Variants in SRPK2 observed in about 807,000 individuals in gnomAD.
SRPK2 encodes SFRS protein kinase 2.
A neutral mutation model predicts 90.8 loss-of-function variants in SRPK2; 21 were observed. The observed-to-expected ratio is 0.23, with a 90% CI of 0.16 to 0.33. The LOEUF (loss-of-function observed/expected upper bound fraction) is 0.33, where lower values mean the gene tolerates loss of function less well. Ranked by LOEUF, SRPK2 falls within the 10% of genes least tolerant of loss-of-function variation. The pLI, the probability that SRPK2 is intolerant of heterozygous loss-of-function variation, is 1.00. For missense variants in SRPK2, 620 were observed against 869.0 expected, an observed-to-expected ratio of 0.71 and a Z score of 3.60; for synonymous variants, 288 against 311.1, an observed-to-expected ratio of 0.93 and a Z score of 0.78.
chr7:105,143,054 C>A (rs1804029486), intron 10 of SRPK2, 30 bp downstream of exon 10: 1 of 1,604,214 alleles, frequency 6.2e-7, no homozygotes, highest in Non-Finnish European at 8.5e-7. Context: ...CTGAGAACCC[C>A]ATGCAGCCCA....
rs544031479 is a variant in SRPK2 at position 105,259,684 on chromosome 7, T to A, written c.72-55899A>T. ...AACAGCATGGTACTGGTACCAAAAC[T>A]GAGATATAGACCAATGGAACAGAAC... On this transcript the variant is annotated intron_variant, in intron 2 of 15. Transcript: ENST00000393651. 2.5e-3 allele frequency among the ~76,000 whole-genome samples: 381 copies of A among 152,070 alleles called. 2 individuals are homozygous for A. The highest frequency in any genetic ancestry group is 4.3e-3 in the African/African-American group (178 of 41,482).
rs149091453 is a variant in SRPK2 at position 105,370,520 on chromosome 7, C to T, written c.71+18128G>A. Among the ~76,000 whole-genome samples, 422 of 151,786 alleles carry T rather than the reference C, an allele frequency of 2.8e-3. 2 individuals are homozygous for T. The highest frequency in any genetic ancestry group is 9.3e-3 in the African/African-American group (384 of 41,372). The stretch of plus-strand genomic sequence containing the variant: ...AAGACTGATTTGAAAATTATAATGC[C>T]GAAAAATATTTACATTAATAATGTT... On this transcript the variant is annotated intron_variant, in intron 2 of 15. Coordinates refer to ENST00000393651, the MANE Select transcript of SRPK2 (RefSeq NM_182692.3).
At chr7:105,331,788 G>A (rs751067852) in intron 2 of SRPK2, among the ~76,000 whole-genome samples, 1 of 152,106 alleles carries the variant, frequency 6.6e-6, no homozygotes, top group East Asian at 1.9e-4. Context: ...AAGGGAACAC[G>A]AACTTAGGAG....
chr7:105,177,577 G>C (rs1792139230), intron 3 of SRPK2, among the ~76,000 whole-genome samples: 1 of 152,098 alleles, frequency 6.6e-6, no homozygotes, highest in Non-Finnish European at 1.5e-5. Flanking sequence ...GTCAATGGAG[G>C]TTTACCAATT....
intron 7 of SRPK2, among the ~76,000 whole-genome samples, chr7:105,156,076 T>TA (rs1806447572): frequency 6.6e-6 from 1 of 152,216 alleles, no homozygotes; most frequent in South Asian, 2.1e-4. Context: ...TAGAAAATCT[T>TA]AAACAGGTTC....
chr7:105,314,641 C>A (rs1812109803), intron 2 of SRPK2, among the ~76,000 whole-genome samples: 1 of 152,186 alleles, frequency 6.6e-6, no homozygotes, highest in Non-Finnish European at 1.5e-5. Context: ...GCCTTAGCCT[C>A]CCAAAGTGCT....
At chr7:105,135,828 G>C (rs1281131810) in intron 11 of SRPK2, among the ~76,000 whole-genome samples, 1 of 150,734 alleles carries the variant, frequency 6.6e-6, no homozygotes, top group East Asian at 2.0e-4. Context: ...GCAGTGGCGC[G>C]ATCTCGGCTC....
At chr7:105,334,459 G>T (rs910793636) in intron 2 of SRPK2, among the ~76,000 whole-genome samples, 3 of 151,556 alleles carry the variant, frequency 2.0e-5, no homozygotes, top group Non-Finnish European at 2.9e-5. Flanking sequence ...CCGACCTCAT[G>T]ATCCACCCGC....
rs35765090 is a variant in SRPK2, at chr7:105,359,150, C to CTTTTTTTTT, written c.71+29489_71+29497dup. 4.4e-4 allele frequency among the ~76,000 whole-genome samples: 24 copies of CTTTTTTTTT among 54,832 alleles called. 1 individual carries two copies. The East Asian group carries it at 9.7e-3, about 22-fold the overall frequency. 36.0% of individuals were successfully genotyped at this position (54,832 alleles called of 152,430 possible). ...CAAACAAACCATATCCAAACCACAGCTTTTTTTTTTTTTTTTTTTTTTTTT... is the reference window on the plus strand; with the variant it reads ...CAAACAAACCATATCCAAACCACAGCTTTTTTTTTTTTTTTTTTTTTTTTTTTTTTTTTT... On this transcript the variant is annotated intron_variant, in intron 2 of 15. Coordinates refer to ENST00000393651, the MANE Select transcript of SRPK2 (RefSeq NM_182692.3).
chr7:105,301,687 CA>C, intron 2 of SRPK2: 1 of 1,611,404 alleles, frequency 6.2e-7, no homozygotes, highest in Admixed American at 1.7e-5. Context: ...AACATATCCC[CA>C]AACACCTCCA....
intron 2 of SRPK2, among the ~76,000 whole-genome samples, chr7:105,361,489 G>A (rs566009508): frequency 2.6e-5 from 4 of 152,130 alleles, no homozygotes; most frequent in South Asian, 2.1e-4. Flanking sequence ...AAGTTCATAC[G>A]GAACCAAAAA....
At chr7:105,227,471 T>C (rs1798852418) in intron 2 of SRPK2, among the ~76,000 whole-genome samples, 1 of 152,158 alleles carries the variant, frequency 6.6e-6, no homozygotes, top group Admixed American at 6.5e-5. Context: ...AAAAAGCACA[T>C]GACAAGATGG....
intron 2 of SRPK2, among the ~76,000 whole-genome samples, chr7:105,355,497 T>TA (rs1817680528): frequency 3.3e-5 from 5 of 151,824 alleles, no homozygotes; most frequent in Admixed American, 6.6e-5. Context: ...ATAAAAATTT[T>TA]TAAAAAATTA....
At chr7:105,167,174 A>T (rs1440509064) in intron 6 of SRPK2, among the ~76,000 whole-genome samples, 12 of 152,218 alleles carry the variant, frequency 7.9e-5, no homozygotes, top group Non-Finnish European at 1.8e-4. Flanking sequence ...TTGTGTTAAA[A>T]ATAAGTTTCT....
chr7:105,144,458 C>G (rs1318866350), intron 9 of SRPK2, among the ~76,000 whole-genome samples: 1 of 151,986 alleles, frequency 6.6e-6, no homozygotes, highest in African/African-American at 2.4e-5. Flanking sequence ...CCAGGCTGGT[C>G]TTGAATTCCT....
At chr7:105,180,100 A>G (rs1792570603) in intron 3 of SRPK2, among the ~76,000 whole-genome samples, 1 of 152,220 alleles carries the variant, frequency 6.6e-6, no homozygotes, top group Non-Finnish European at 1.5e-5. Flanking sequence ...AAGGAACCAA[A>G]AAAGCCCAAA....
chr7:105,394,767 T>A (rs892014324), intron 1 of SRPK2, among the ~76,000 whole-genome samples: 5 of 152,192 alleles, frequency 3.3e-5, no homozygotes, highest in Non-Finnish European at 2.9e-5. Context: ...CACAGAAATG[T>A]CCCTGCCTTC....
intron 2 of SRPK2, chr7:105,306,582 A>C (rs1811171257): frequency 2.4e-6 from 1 of 423,250 alleles, no homozygotes; most frequent in East Asian, 7.0e-5. Context: ...CTGAACAAAG[A>C]AAAAACAGTC....
chr7:105,357,193 C>T (rs1339648592), intron 2 of SRPK2, among the ~76,000 whole-genome samples: 1 of 152,024 alleles, frequency 6.6e-6, no homozygotes, highest in Non-Finnish European at 1.5e-5. Context: ...CCCACCACCA[C>T]GCCTGGCTAA....
Sources: allele counts gnomAD v4.1 joint callset (sites outside exome capture counted in the v4.1 genomes callset), GRCh38; gene constraint gnomAD v4.1.1; transcripts MANE v1.5; gene names NCBI Gene and HGNC (gene_info 2026-07-23, HGNC 2026-07-21).